GLIS3: variants seen among roughly 807,000 people sequenced by gnomAD.
The protein encoded by GLIS3 is GLIS family zinc finger 3, also known as zinc finger protein GLIS3.
A neutral mutation model predicts 78.6 loss-of-function variants in GLIS3; 53 were observed. That is an observed-to-expected ratio of 0.67 (90% CI 0.54 to 0.85). GLIS3 has a LOEUF of 0.85. Among genes scored for constraint, GLIS3 ranks in the 40% least tolerant of loss-of-function variants. The pLI, the probability that GLIS3 is intolerant of heterozygous loss-of-function variation, is 0.00. For missense variants in GLIS3, 1,703 were observed against 1,231.1 expected (o/e 1.38, Z -5.74); for synonymous variants, 684 against 509.9 (o/e 1.34, Z -4.60).
In GLIS3 at chr9:3,982,066, G is replaced by A. The variant is rs191577349; in HGVS notation, c.1711-44877C>T. On this transcript the variant is annotated intron_variant, in intron 4 of 10. Coordinates refer to ENST00000381971, the MANE Select transcript of GLIS3 (RefSeq NM_001042413.2). ...AATTCCATTATACCTTTAAAGAATG[G>A]CACATTTTAATTCCTTTGCTGTTTC... 2.0e-3 allele frequency among the ~76,000 whole-genome samples: 302 copies of A among 152,168 alleles called. 2 individuals are homozygous for A. The highest frequency in any genetic ancestry group is 7.1e-3 in the African/African-American group (293 of 41,510).
chr9:4,226,325 G>A (rs1279700576), intron 2 of GLIS3, among the ~76,000 whole-genome samples: 1 of 152,102 alleles, frequency 6.6e-6, no homozygotes, highest in Non-Finnish European at 1.5e-5. Flanking sequence ...CGTAAAGATA[G>A]GTCCATATAC....
At chr9:3,920,301 C>A (rs185680048) in intron 6 of GLIS3, among the ~76,000 whole-genome samples, 122 of 152,304 alleles carry the variant, frequency 8.0e-4, no homozygotes, top group African/African-American at 2.8e-3. Context: ...CTGTGCCCGG[C>A]CATTACTGAC....
chr9:4,367,651 A>AG, the GLIS3 span, among the ~76,000 whole-genome samples: 1 of 151,184 alleles, frequency 6.6e-6, no homozygotes, highest in Non-Finnish European at 1.5e-5. Flanking sequence ...AAAAAAAAAA[A>AG]AAAAAAAGTT....
chr9:4,346,415 C>T (rs1043424308), intron 2 of GLIS3, among the ~76,000 whole-genome samples: 4 of 152,096 alleles, frequency 2.6e-5, no homozygotes, highest in African/African-American at 4.8e-5. Flanking sequence ...AGCATTAAAA[C>T]TCATTGATTA....
At chr9:4,214,874 A>G (rs913940826) in intron 2 of GLIS3, among the ~76,000 whole-genome samples, 3 of 152,224 alleles carry the variant, frequency 2.0e-5, no homozygotes, top group Non-Finnish European at 4.4e-5. Flanking sequence ...TCAATGGCAT[A>G]TAACTTGAAC....
At chr9:4,123,475 G>A (rs1166472628) in intron 3 of GLIS3, among the ~76,000 whole-genome samples, 1 of 152,002 alleles carries the variant, frequency 6.6e-6, no homozygotes, top group Non-Finnish European at 1.5e-5. Flanking sequence ...ATCCAATAAA[G>A]CATTATTTAT....
chr9:4,239,175 G>A (rs1275306996), intron 2 of GLIS3, among the ~76,000 whole-genome samples: 1 of 99,538 alleles, frequency 1.0e-5, no homozygotes, highest in East Asian at 3.7e-4. Flanking sequence ...TGTGGGGTGG[G>A]GGGAGGGGGG....
intron 4 of GLIS3, among the ~76,000 whole-genome samples, chr9:4,103,944 A>G (rs935184723): frequency 2.0e-5 from 3 of 152,126 alleles, no homozygotes; most frequent in Non-Finnish European, 4.4e-5. Context: ...GCAACGCAAG[A>G]CTAAGGACAT....
At chr9:4,381,483 C>A in the GLIS3 span, among the ~76,000 whole-genome samples, 213 of 152,218 alleles carry the variant, frequency 1.4e-3, 3 homozygotes, top group African/African-American at 4.8e-3. Flanking sequence ...ATCAAGTTAA[C>A]ACAGGAAAAG....
chr9:4,303,070 C>A (rs1817132871), upstream of GLIS3, among the ~76,000 whole-genome samples: 1 of 152,178 alleles, frequency 6.6e-6, no homozygotes. Context: ...GAAGGAACAT[C>A]CTGACAGCAA....
chr9:4,261,651 G>A (rs10974419), intron 2 of GLIS3, among the ~76,000 whole-genome samples: 30,138 of 152,038 alleles, frequency 0.2, 3,156 homozygotes, highest in East Asian at 0.24. Flanking sequence ...GCCCCTGAGC[G>A]AATGGATGGA....
At chr9:4,375,116 T>C in the GLIS3 span, among the ~76,000 whole-genome samples, 3 of 152,238 alleles carry the variant, frequency 2.0e-5, no homozygotes, top group Non-Finnish European at 4.4e-5. Flanking sequence ...CAGAACCCAC[T>C]GTTCTTAGTC....
chr9:4,317,009 G>C (rs1321311870), intron 2 of GLIS3, among the ~76,000 whole-genome samples: 1 of 152,150 alleles, frequency 6.6e-6, no homozygotes, highest in Non-Finnish European at 1.5e-5. Flanking sequence ...ACAATGTTAA[G>C]TGAAGACTTG....
rs745671153 is a variant in GLIS3, at chr9:3,856,159, G to A, written c.2323C>T (p.His775Tyr). 6.6e-5 allele frequency: 107 copies of A among 1,613,950 alleles called. 1 individual carries two copies. The South Asian group carries it at 1.1e-3, about 17-fold the overall frequency. The change falls in exon 9 of 11, where the codon CAC (histidine) becomes TAC (tyrosine). Residue 775 changes from histidine to tyrosine, a missense_variant. Coordinates refer to ENST00000381971, the MANE Select transcript of GLIS3 (RefSeq NM_001042413.2). ...GGAACTCTCCGGGGGCTGATGTGGT[G>A]AGGAGATGGAGCAGAAGGTGCAAAC... ...ERFAPSAPSP[H>Y]HISPRRVPAP...
chr9:4,297,376 G>A (rs1036974849), intron 1 of GLIS3, among the ~76,000 whole-genome samples: 5 of 152,160 alleles, frequency 3.3e-5, no homozygotes, highest in Non-Finnish European at 7.3e-5. Flanking sequence ...CGTCTCTGGG[G>A]CTCGGTTTCC....
In GLIS3 at chr9:4,038,706, C is replaced by T. The variant is rs927593174; in HGVS notation, c.1710+79062G>A. On this transcript the variant is annotated intron_variant, in intron 4 of 10. Transcript: ENST00000381971. ...TGGTAAGTGACATAGTTTGGCCACACGTATTCAGCTCTCCACTATTCTTTT... is the reference window on the plus strand; with the variant it reads ...TGGTAAGTGACATAGTTTGGCCACATGTATTCAGCTCTCCACTATTCTTTT... 6.6e-5 allele frequency among the ~76,000 whole-genome samples: 10 copies of T among 152,274 alleles called. No homozygotes were observed. In the South Asian group the frequency reaches 1.0e-3, roughly 16 times the overall value.
At chr9:4,282,370 C>G (rs974970117) in intron 2 of GLIS3, among the ~76,000 whole-genome samples, 1 of 152,184 alleles carries the variant, frequency 6.6e-6, no homozygotes, top group Non-Finnish European at 1.5e-5. Context: ...AGTCAGTACA[C>G]TGAGTAAAAC....
chr9:4,002,288 G>A (rs936300710), intron 4 of GLIS3, among the ~76,000 whole-genome samples: 16 of 152,138 alleles, frequency 1.1e-4, no homozygotes, highest in Non-Finnish European at 2.1e-4. Context: ...AGAGCCTCCA[G>A]AAGGAACCTT....
In GLIS3 at chr9:3,825,669, G is replaced by C. The variant is rs1817688027; in HGVS notation, c.*2603C>G. 1 of 152,200 alleles carries C rather than the reference G, an allele frequency of 6.6e-6. No homozygotes were observed. The highest frequency in any genetic ancestry group is 2.1e-4 in the South Asian group (1 of 4,828). The allele number at this position is 152,200 out of a possible 1,614,324, so 9.4% of individuals were successfully genotyped here. On this transcript the variant is annotated 3_prime_UTR_variant, in exon 11 of 11. Transcript: ENST00000381971. The stretch of plus-strand genomic sequence containing the variant: ...TATATATATAAATCTTCTGCAGTGT[G>C]AAAGTAAGCAAGGGACAAATTTTAA...
Sources: allele counts gnomAD v4.1 joint callset (sites outside exome capture counted in the v4.1 genomes callset), GRCh38; gene constraint gnomAD v4.1.1; transcripts MANE v1.5; gene names NCBI Gene and HGNC (gene_info 2026-07-23, HGNC 2026-07-21).